The following CERS3 variants were observed in gnomAD, a reference collection of about 807,000 sequenced individuals.
The protein encoded by CERS3 is LAG1 homolog, ceramide synthase 3.
Under a neutral mutation model 50.3 loss-of-function variants are expected in CERS3, and 33 were observed. That is an observed-to-expected ratio of 0.66 (90% CI 0.50 to 0.88). CERS3 has a LOEUF of 0.88. Ranked by LOEUF, CERS3 falls within the 40% of genes least tolerant of loss-of-function variation. The pLI is 0.00. For synonymous variants in CERS3, 176 were observed against 155.2 expected (o/e 1.13, Z -0.99); for missense variants, 470 against 460.3 (o/e 1.02, Z -0.19).
At chr15:100,506,477 A>T (rs866338378) in intron 2 of CERS3, among the ~76,000 whole-genome samples, 1 of 26,372 alleles carries the variant, frequency 3.8e-5, no homozygotes, top group Non-Finnish European at 1.2e-4. Context: ...CCGCCGCCCC[A>T]CACACACACA....
chr15:100,497,187 G>A (rs1409515562), intron 3 of CERS3, among the ~76,000 whole-genome samples: 1 of 151,974 alleles, frequency 6.6e-6, no homozygotes, highest in Admixed American at 6.6e-5. Context: ...TGGGAGTAGT[G>A]CATGGGGAAA....
At chr15:100,514,044 C>T (rs900948260) in intron 2 of CERS3, among the ~76,000 whole-genome samples, 1 of 152,150 alleles carries the variant, frequency 6.6e-6, no homozygotes, top group Non-Finnish European at 1.5e-5. Flanking sequence ...GACTTTGGAG[C>T]CAGGCTCCTC....
chr15:100,421,077 G>T (rs1229559217), intron 11 of CERS3, among the ~76,000 whole-genome samples: 1 of 149,572 alleles, frequency 6.7e-6, no homozygotes, highest in Admixed American at 6.7e-5. Flanking sequence ...TGGAAGTTCT[G>T]GCCAGGGCAA....
At chr15:100,435,404 T>G (rs1286927131) in intron 11 of CERS3, among the ~76,000 whole-genome samples, 1 of 152,108 alleles carries the variant, frequency 6.6e-6, no homozygotes, top group Non-Finnish European at 1.5e-5. Context: ...AAGCTTGTTT[T>G]ACACTGGCTA....
chr15:100,541,024 CTG>C (rs774055396), intron 1 of CERS3, among the ~76,000 whole-genome samples: 4 of 152,174 alleles, frequency 2.6e-5, no homozygotes, highest in African/African-American at 7.2e-5. Context: ...GATACCGTCC[CTG>C]CTTTCCAGCT....
chr15:100,475,839 T>C, intron 8 of CERS3: 1 of 214,124 alleles, frequency 4.7e-6, no homozygotes, highest in Non-Finnish European at 9.2e-6. Flanking sequence ...AAAGGAAATG[T>C]TTTTTTTCTT....
intron 5 of CERS3, among the ~76,000 whole-genome samples, chr15:100,481,980 T>C (rs2654643): frequency 0.97 from 147,204 of 152,318 alleles, 71,265 homozygotes; most frequent in Non-Finnish European, 1. Context: ...TGATGAAACG[T>C]GCGCTTGTGT....
chr15:100,516,668 C>A (rs1307896236), intron 2 of CERS3, among the ~76,000 whole-genome samples: 2 of 152,190 alleles, frequency 1.3e-5, no homozygotes, highest in East Asian at 3.9e-4. Flanking sequence ...GGCTTCATAG[C>A]CTCCTCCCCC....
upstream of CERS3, among the ~76,000 whole-genome samples, chr15:100,531,385 G>A (rs531456071): frequency 6.6e-6 from 1 of 152,226 alleles, no homozygotes; most frequent in Admixed American, 6.5e-5. Context: ...TGAGGAACTC[G>A]GAGGGTTTGC....
chr15:100,483,129 A>C lies in CERS3; in HGVS notation c.407+1421T>G, dbSNP rs79061135. ...CTTTTGGCAACCTGACCCATTCTTC[A>C]AGGTCCAACCTATGTCTTCCCTTCT... On this transcript the variant is annotated intron_variant, in intron 5 of 11. Coordinates refer to ENST00000679737, the MANE Select transcript of CERS3 (RefSeq NM_001378789.1). 9.1e-4 allele frequency among the ~76,000 whole-genome samples: 139 copies of C among 152,210 alleles called. 4 individuals are homozygous for C. The East Asian group carries it at 0.024, about 27-fold the overall frequency.
chr15:100,480,769 TTCTTA>T (rs1289756067), intron 5 of CERS3, among the ~76,000 whole-genome samples: 1 of 151,774 alleles, frequency 6.6e-6, no homozygotes, highest in Non-Finnish European at 1.5e-5. Context: ...AAATAAAGAG[TTCTTA>T]TCTTTTCGAG....
rs575010890 is a variant in CERS3 at position 100,441,296 on chromosome 15, T to C, written c.999+14597A>G. Among the ~76,000 whole-genome samples, 5 of 151,062 alleles carry C rather than the reference T, an allele frequency of 3.3e-5. No individual in the cohort carries two copies. In the South Asian group the frequency reaches 1.1e-3, roughly 32 times the overall value. On this transcript the variant is annotated intron_variant, in intron 11 of 11. Coordinates refer to ENST00000679737, the MANE Select transcript of CERS3 (RefSeq NM_001378789.1). ...CCCTTATCTCTGCGCCCTGATCCCT[T>C]ATTTCTGCACCCCGACCTCTTATCT...
intron 11 of CERS3, among the ~76,000 whole-genome samples, chr15:100,419,238 T>A (rs11937019): frequency 0.39 from 44,153 of 114,590 alleles, 6,412 homozygotes; most frequent in Middle Eastern, 0.52. Context: ...TGGAGGAAGA[T>A]CTACCAAGCC....
At chr15:100,495,358 T>A (rs1312809118) in intron 3 of CERS3, among the ~76,000 whole-genome samples, 1 of 152,212 alleles carries the variant, frequency 6.6e-6, no homozygotes, top group African/African-American at 2.4e-5. Context: ...AAATAACAAC[T>A]CCTACATCCC....
At position 100,484,425 on chromosome 15, in the gene CERS3, C is replaced by T. The variant is rs2035425542; in HGVS notation, c.407+125G>A. 5 of 666,232 alleles carry T rather than the reference C, an allele frequency of 7.5e-6. No homozygotes were observed. The African/African-American group carries it at 9.0e-5, about 12-fold the overall frequency. The allele number at this position is 666,232 out of a possible 1,614,324, so 41.3% of individuals were successfully genotyped here. ...AATATGTGAGGAGCCTAAAACACCA[C>T]ATCAGTGGGTGACAGAGCTGGGTCT... On this transcript the variant is annotated intron_variant, in intron 5 of 11. Transcript: ENST00000679737.
At chr15:100,502,836 T>C (rs373944376) in intron 2 of CERS3, among the ~76,000 whole-genome samples, 2 of 151,646 alleles carry the variant, frequency 1.3e-5, no homozygotes, top group African/African-American at 2.4e-5. Context: ...CAGGTTGCTG[T>C]GGGAACAAGA....
At chr15:100,416,393 T>C (rs758293686) in intron 11 of CERS3, among the ~76,000 whole-genome samples, 19 of 152,224 alleles carry the variant, frequency 1.2e-4, no homozygotes, top group Non-Finnish European at 1.9e-4. Context: ...GCAGACTCCC[T>C]ATTCAGTAAA....
chr15:100,475,641 A>C (rs530834967), intron 8 of CERS3, among the ~76,000 whole-genome samples: 1 of 152,344 alleles, frequency 6.6e-6, no homozygotes, highest in East Asian at 1.9e-4. Flanking sequence ...TAATGCCCGA[A>C]GCAAGGTTTC....
chr15:100,412,246 G>T (rs569357520), intron 11 of CERS3, among the ~76,000 whole-genome samples: 2 of 151,972 alleles, frequency 1.3e-5, no homozygotes, highest in Non-Finnish European at 2.9e-5. Flanking sequence ...TTTTGTGTAT[G>T]GTGTTAGGTA....
Sources: gnomAD v4.1 joint callset for allele counts (sites outside exome capture counted in the v4.1 genomes callset) on GRCh38, gnomAD v4.1.1 for gene constraint, MANE v1.5 for transcripts, NCBI Gene and HGNC (gene_info 2026-07-23, HGNC 2026-07-21) for gene names.